Variants in PCDHGA4 observed in about 807,000 individuals in gnomAD.
The protein encoded by PCDHGA4 is protocadherin gamma-A4.
PCDHGA4 carries 38 observed loss-of-function variants against 54.6 expected under a neutral mutation model. The ratio of observed to expected loss-of-function variants is 0.70; its 90% CI spans 0.54 to 0.91. The LOEUF (loss-of-function observed/expected upper bound fraction) is 0.91, where lower values mean the gene tolerates loss of function less well. PCDHGA4 is among the 40% of genes least tolerant of loss of function. PCDHGA4 has a pLI of 0.00. For synonymous variants in PCDHGA4, 511 were observed against 512.9 expected (o/e 1.00, Z 0.05); for missense variants, 1,298 against 1,220.9 (o/e 1.06, Z -0.94).
At chr5:141,409,904 G>A in intron 1 of PCDHGA4, 3 of 1,613,278 alleles carry the variant, frequency 1.9e-6, no homozygotes, top group Non-Finnish European at 2.5e-6. Flanking sequence ...CCCAGCTCTG[G>A]GTCCTGACGG....
chr5:141,410,885 G>A (rs970749503), intron 1 of PCDHGA4: 7 of 287,302 alleles, frequency 2.4e-5, no homozygotes, highest in African/African-American at 1.6e-4. Context: ...ATGGAGTCTC[G>A]CACTGTTGCC....
chr5:141,409,628 G>T (rs367728235), intron 1 of PCDHGA4: 1 of 1,613,848 alleles, frequency 6.2e-7, no homozygotes. Flanking sequence ...GCAAGTGAGC[G>T]CCTCTGACCC....
intron 1 of PCDHGA4, chr5:141,360,512 T>A (rs551303336): frequency 6.2e-7 from 1 of 1,613,978 alleles, no homozygotes. Context: ...GTGCAGGATA[T>A]AAATGATAAT....
intron 1 of PCDHGA4, chr5:141,400,386 A>G (rs766907172): frequency 5.0e-6 from 8 of 1,614,040 alleles, no homozygotes; most frequent in Non-Finnish European, 5.1e-6. Context: ...TATGTGTTGC[A>G]CATACAGGAA....
intron 1 of PCDHGA4, 80 bp downstream of exon 1, chr5:141,357,701 A>T: frequency 6.7e-7 from 1 of 1,500,850 alleles, no homozygotes; most frequent in Non-Finnish European, 8.9e-7. Flanking sequence ...TTTATATGTA[A>T]TATATCAAAT....
At chr5:141,409,109 A>G in intron 1 of PCDHGA4, 1 of 1,614,028 alleles carries the variant, frequency 6.2e-7, no homozygotes, top group Non-Finnish European at 8.5e-7. Context: ...TATGATTAAG[A>G]ATAACCAGTC....
intron 1 of PCDHGA4, among the ~76,000 whole-genome samples, chr5:141,381,934 A>C (rs1777775116): frequency 7.0e-6 from 1 of 143,002 alleles, no homozygotes; most frequent in Non-Finnish European, 1.5e-5. Flanking sequence ...GGTTCAAGCG[A>C]TTTTCCTGCC....
chr5:141,479,435 G>C (rs2099495981), intron 1 of PCDHGA4: 1 of 152,218 alleles, frequency 6.6e-6, no homozygotes, highest in Non-Finnish European at 1.5e-5. Context: ...TCAATCCACT[G>C]TCTGCACTAA....
intron 1 of PCDHGA4, among the ~76,000 whole-genome samples, chr5:141,492,996 AG>A: frequency 6.6e-6 from 1 of 152,348 alleles, no homozygotes; most frequent in Admixed American, 6.5e-5. Flanking sequence ...GCAGATGGAA[AG>A]CTATAGGCTC....
At chr5:141,384,224 T>C (rs753746250) in intron 1 of PCDHGA4, 1 of 1,613,882 alleles carries the variant, frequency 6.2e-7, no homozygotes, top group Non-Finnish European at 8.5e-7. Flanking sequence ...TTCATGCAGG[T>C]GGCAGACACC....
chr5:141,473,312 A>G (rs1432409474), intron 1 of PCDHGA4, among the ~76,000 whole-genome samples: 1 of 152,228 alleles, frequency 6.6e-6, no homozygotes, highest in Non-Finnish European at 1.5e-5. Context: ...TGCTATATTA[A>G]TAAGCATTAA....
rs1399077321 is a variant in PCDHGA4, at chr5:141,474,090, AAAC to A, written c.2515-20708_2515-20706del. Among the ~76,000 whole-genome samples the A allele has an allele frequency of 2.6e-5, 4 of 152,206 alleles. No individual in the cohort carries two copies. In the East Asian group the frequency reaches 5.8e-4, roughly 22 times the overall value. On this transcript the variant is annotated intron_variant, in intron 1 of 3. Coordinates refer to ENST00000571252, the MANE Select transcript of PCDHGA4 (RefSeq NM_018917.4). ...GCCTCAGAAACAAAAACCAAAAAAC[AAAC>A]AACAACAAAAACAACAACAACGAAA...
intron 1 of PCDHGA4, among the ~76,000 whole-genome samples, chr5:141,407,155 TG>T (rs1451933301): frequency 1.3e-5 from 2 of 152,232 alleles, no homozygotes; most frequent in Non-Finnish European, 2.9e-5. Flanking sequence ...CTGAAGTGTC[TG>T]GGAATCCTTT....
At chr5:141,389,673 G>T (rs755380537) in intron 1 of PCDHGA4, 1 of 1,612,426 alleles carries the variant, frequency 6.2e-7, no homozygotes, top group South Asian at 1.1e-5. Context: ...CGCAGACTCA[G>T]GACACAACGC....
intron 1 of PCDHGA4, chr5:141,360,457 A>T (rs780037606): frequency 1.2e-6 from 2 of 1,613,970 alleles, no homozygotes; most frequent in Non-Finnish European, 1.7e-6. Flanking sequence ...GGATTTCGAT[A>T]CTGTCGCTGA....
intron 2 of PCDHGA4, among the ~76,000 whole-genome samples, chr5:141,504,722 C>T (rs747319660): frequency 1.3e-5 from 2 of 151,828 alleles, no homozygotes; most frequent in Non-Finnish European, 2.9e-5. Context: ...GGATTTTACT[C>T]TGAGGGCTTA....
chr5:141,372,797 CA>C (rs1769078994), intron 1 of PCDHGA4: 2 of 1,597,434 alleles, frequency 1.3e-6, no homozygotes, highest in Admixed American at 3.5e-5. Flanking sequence ...CTAATTCAGG[CA>C]ATTTGCAAAA....
intron 1 of PCDHGA4, chr5:141,423,684 T>TA (rs1412198122): frequency 1.3e-6 from 2 of 1,524,644 alleles, no homozygotes; most frequent in Non-Finnish European, 1.8e-6. Context: ...CTCTGCCTCC[T>TA]AATTGTTGGT....
At chr5:141,371,101 A>T (rs766194298) in intron 1 of PCDHGA4, 2 of 1,613,794 alleles carry the variant, frequency 1.2e-6, no homozygotes, top group South Asian at 1.1e-5. Context: ...GCAGATGCAA[A>T]TGATAACCCC....
Sources: gnomAD v4.1 joint callset for allele counts (sites outside exome capture counted in the v4.1 genomes callset) on GRCh38, gnomAD v4.1.1 for gene constraint, MANE v1.5 for transcripts, NCBI Gene and HGNC (gene_info 2026-07-23, HGNC 2026-07-21) for gene names.